Variants in CWC22 observed in about 807,000 individuals in gnomAD.
CWC22 encodes pre-mRNA-splicing factor CWC22 homolog.
CWC22 carries 53 observed loss-of-function variants against 117.2 expected under a neutral mutation model. The observed-to-expected ratio is 0.45, with a 90% CI of 0.36 to 0.57. The LOEUF is 0.57. Among genes scored for constraint, CWC22 ranks in the 20% least tolerant of loss-of-function variants. The pLI, the probability that CWC22 is intolerant of heterozygous loss-of-function variation, is 0.00. For synonymous variants in CWC22, 360 were observed against 355.6 expected, an observed-to-expected ratio of 1.01 and a Z score of -0.14; for missense variants, 980 against 1,068.8, an observed-to-expected ratio of 0.92 and a Z score of 1.16.
At chr2:179,960,561 A>G (rs1226476454) in intron 13 of CWC22, among the ~76,000 whole-genome samples, 1 of 152,042 alleles carries the variant, frequency 6.6e-6, no homozygotes, top group Non-Finnish European at 1.5e-5. Context: ...AAAAACACCT[A>G]AAGGATACTA....
intron 3 of CWC22, among the ~76,000 whole-genome samples, chr2:179,987,049 T>C (rs1334261398): frequency 2.0e-5 from 3 of 152,188 alleles, no homozygotes; most frequent in Non-Finnish European, 2.9e-5. Context: ...TAGTGAATTA[T>C]CCTGATTCAC....
intron 3 of CWC22, 94 bp from the exon 4 acceptor site, chr2:179,986,899 T>G (rs1364776588): frequency 3.4e-6 from 2 of 595,546 alleles, no homozygotes; most frequent in Non-Finnish European, 5.6e-6. Context: ...AAAGCAACTC[T>G]ATGACTGAAC....
At chr2:179,998,390 T>C (rs1352558635) in intron 1 of CWC22, among the ~76,000 whole-genome samples, 1 of 152,144 alleles carries the variant, frequency 6.6e-6, no homozygotes, top group Non-Finnish European at 1.5e-5. Context: ...ATAATTACCC[T>C]GTTCTGGTGA....
intron 1 of CWC22, among the ~76,000 whole-genome samples, chr2:179,995,823 G>T (rs1050675235): frequency 3.3e-5 from 5 of 152,296 alleles, no homozygotes; most frequent in Admixed American, 3.3e-4. Flanking sequence ...ACCACGCAAG[G>T]GTGGCTAAAA....
intron 1 of CWC22, among the ~76,000 whole-genome samples, chr2:179,995,030 A>G (rs1342408070): frequency 6.6e-6 from 1 of 152,194 alleles, no homozygotes; most frequent in Admixed American, 6.5e-5. Flanking sequence ...AGGTGGGAGA[A>G]TGGCGTGAAC....
intron 17 of CWC22, among the ~76,000 whole-genome samples, chr2:179,951,216 C>T (rs567376762): frequency 2.6e-5 from 4 of 151,846 alleles, no homozygotes; most frequent in East Asian, 1.9e-4. Context: ...CATATATACA[C>T]GTGTGAATAT....
At chr2:179,991,308 G>A (rs1210168402) in intron 2 of CWC22, among the ~76,000 whole-genome samples, 1 of 152,140 alleles carries the variant, frequency 6.6e-6, no homozygotes, top group Non-Finnish European at 1.5e-5. Flanking sequence ...AAAAACAGGG[G>A]ATTCTCAGTT....
chr2:179,981,466 TGAAAG>T (rs1456731529), intron 5 of CWC22, among the ~76,000 whole-genome samples: 1 of 152,152 alleles, frequency 6.6e-6, no homozygotes, highest in Non-Finnish European at 1.5e-5. Context: ...CATGAAACTA[TGAAAG>T]GAACAATAGT....
intron 1 of CWC22, among the ~76,000 whole-genome samples, chr2:179,997,322 T>TAA (rs955970190): frequency 5.6e-5 from 8 of 142,568 alleles, no homozygotes; most frequent in South Asian, 2.2e-4. Flanking sequence ...GAGTAATGAC[T>TAA]AAAAAAAAAA....
At position 179,957,336 on chromosome 2, in the gene CWC22, A is replaced by G. The variant is rs373219149; in HGVS notation, c.1458+1686T>C. ...AAAGATAATTTTTTGTCAAAATTCC[A>G]TATCACTATATTTCAAGAATTAATC... On this transcript the variant is annotated intron_variant, in intron 14 of 19. Transcript: ENST00000410053. Among the ~76,000 whole-genome samples, 34 of 152,336 alleles carry G rather than the reference A, an allele frequency of 2.2e-4. No individual in the cohort carries two copies. The East Asian group carries it at 3.1e-3, about 14-fold the overall frequency.
At chr2:179,968,802 G>A (rs113456387) in intron 11 of CWC22, among the ~76,000 whole-genome samples, 313 of 151,976 alleles carry the variant, frequency 2.1e-3, no homozygotes, top group African/African-American at 6.9e-3. Flanking sequence ...TCCTGACCTC[G>A]TGATCCGCCC....
intron 14 of CWC22, among the ~76,000 whole-genome samples, chr2:179,958,818 G>A (rs1286783316): frequency 6.6e-6 from 1 of 152,076 alleles, no homozygotes; most frequent in Non-Finnish European, 1.5e-5. Flanking sequence ...TCTCATTTGA[G>A]CAGAAAATTT....
At chr2:179,954,668 G>A (rs1559285391) in intron 15 of CWC22, among the ~76,000 whole-genome samples, 2 of 152,134 alleles carry the variant, frequency 1.3e-5, no homozygotes, top group Non-Finnish European at 1.5e-5. Context: ...TTTAGACACT[G>A]CTTTGAGATT....
chr2:179,989,811 TTTAA>T (rs1687516585), intron 2 of CWC22, among the ~76,000 whole-genome samples: 1 of 152,142 alleles, frequency 6.6e-6, no homozygotes, highest in Admixed American at 6.5e-5. Flanking sequence ...TTAAAATAAT[TTTAA>T]TTAACCATAC....
At chr2:179,957,461 T>C (rs1186130994) in intron 14 of CWC22, among the ~76,000 whole-genome samples, 1 of 152,214 alleles carries the variant, frequency 6.6e-6, no homozygotes, top group Admixed American at 6.5e-5. Flanking sequence ...AAACTACTTA[T>C]TCTGCGGCTG....
intron 13 of CWC22, among the ~76,000 whole-genome samples, chr2:179,962,305 G>A (rs947313780): frequency 6.6e-6 from 1 of 152,084 alleles, no homozygotes; most frequent in African/African-American, 2.4e-5. Flanking sequence ...TTGTTCACAA[G>A]ATTTTCAAAA....
At position 179,945,083 on chromosome 2, in the gene CWC22, T is replaced by C; in HGVS notation, c.*46A>G. 1 of 1,319,710 alleles carries C rather than the reference T, an allele frequency of 7.6e-7. No individual in the cohort carries two copies. Among genetic ancestry groups the C allele is most frequent in the Non-Finnish European group, 1.0e-6 (1 of 966,368 alleles). 81.8% of individuals were successfully genotyped at this position (1,319,710 alleles called of 1,614,324 possible). A position where few individuals can be genotyped will look rare whatever the true frequency, so the allele number is the denominator to read the frequency against. ...GTTCGTCAAAGTAAAAAATAATTTGTTTCAACTGAATATAAGGCATGTCCA... is the reference window on the plus strand; with the variant it reads ...GTTCGTCAAAGTAAAAAATAATTTGCTTCAACTGAATATAAGGCATGTCCA... On this transcript the variant is annotated 3_prime_UTR_variant, in exon 20 of 20. Transcript: ENST00000410053.
intron 1 of CWC22, among the ~76,000 whole-genome samples, chr2:179,996,129 T>C (rs1302217079): frequency 1.3e-5 from 2 of 152,148 alleles, no homozygotes; most frequent in African/African-American, 2.4e-5. Flanking sequence ...CTTAGAGGAA[T>C]GTAAGGAAAC....
intron 2 of CWC22, among the ~76,000 whole-genome samples, chr2:179,990,210 A>G (rs1190201526): frequency 2.0e-5 from 3 of 152,204 alleles, no homozygotes; most frequent in African/African-American, 4.8e-5. Context: ...ATCTAATATA[A>G]GAAAGTTTTA....
Sources: allele counts gnomAD v4.1 joint callset (sites outside exome capture counted in the v4.1 genomes callset), GRCh38; gene constraint gnomAD v4.1.1; transcripts MANE v1.5; gene names NCBI Gene and HGNC (gene_info 2026-07-23, HGNC 2026-07-21).